Variants in HAUS8 observed in about 807,000 individuals in gnomAD.
HAUS8 encodes the protein HAUS augmin like complex subunit 8.
Under a neutral mutation model 42.9 loss-of-function variants are expected in HAUS8, and 38 were observed. The observed-to-expected ratio is 0.89, with a 90% confidence interval of 0.68 to 1.16. HAUS8 has a LOEUF of 1.16. HAUS8 is among the 50% of genes most tolerant of loss of function. The pLI is 0.00. For missense variants in HAUS8, 494 were observed against 511.6 expected, an observed-to-expected ratio of 0.97 and a Z score of 0.33; for synonymous variants, 199 against 205.8, an observed-to-expected ratio of 0.97 and a Z score of 0.28.
In HAUS8 at chr19:17,058,626, T is replaced by C. The variant is rs1279046366; in HGVS notation, c.568A>G (p.Lys190Glu). ...IMCKEKEKLQ[K>E]KAHELKRRLL... ...CTGCGCTTCAGCTCGTGGGCCTTTT[T>C]CTGTAGCTTCTCCTTCTCCTTACAC... is the stretch of plus-strand genomic sequence containing the variant. The change falls in exon 8 of 11, where the codon AAA (lysine) becomes GAA (glutamate). Residue 190 changes from lysine (K) to glutamate (E), a missense_variant. Coordinates refer to ENST00000253669, the MANE Select transcript of HAUS8 (RefSeq NM_033417.2). 5.0e-6 allele frequency: 8 copies of C among 1,613,706 alleles called. No homozygotes were observed. The highest frequency in any genetic ancestry group is 1.7e-5 in the Admixed American group (1 of 59,896).
chr19:17,067,853 T>G (rs1015119399), intron 3 of HAUS8, among the ~76,000 whole-genome samples: 1 of 152,146 alleles, frequency 6.6e-6, no homozygotes, highest in Non-Finnish European at 1.5e-5. Context: ...GAGGGAAGAA[T>G]CCAACCTTGA....
chr19:17,050,897 CA>C lies in HAUS8; in HGVS notation c.930-722del, dbSNP rs886547045. 4.6e-3 allele frequency among the ~76,000 whole-genome samples: 636 copies of C among 139,456 alleles called. 2 individuals are homozygous for C. The highest frequency in any genetic ancestry group is 0.014 in the African/African-American group (533 of 37,968). The allele number at this position is 139,456 out of a possible 152,430, so 91.5% of individuals were successfully genotyped here. A position where few individuals can be genotyped will look rare whatever the true frequency, so the allele number is the denominator to read the frequency against. On this transcript the variant is annotated intron_variant, in intron 10 of 10. Coordinates refer to ENST00000253669, the MANE Select transcript of HAUS8 (RefSeq NM_033417.2). The stretch of plus-strand genomic sequence containing the variant: ...TGGGCGACAAAGTGAGACTCCGTCT[CA>C]AAAAAAAAAAAATTAGCTGGGTGCA...
chr19:17,064,411 G>T (rs1302442507), intron 3 of HAUS8, among the ~76,000 whole-genome samples: 1 of 152,214 alleles, frequency 6.6e-6, no homozygotes, highest in Non-Finnish European at 1.5e-5. Context: ...GGAACGAGAA[G>T]AGACTAAACA....
chr19:17,057,755 G>A (rs2057334962), intron 8 of HAUS8, among the ~76,000 whole-genome samples: 1 of 152,116 alleles, frequency 6.6e-6, no homozygotes, highest in Admixed American at 6.5e-5. Context: ...CCAACTCCCA[G>A]TACCTTGGAA....
At chr19:17,051,450 T>C (rs570605972) in intron 10 of HAUS8, among the ~76,000 whole-genome samples, 1 of 152,008 alleles carries the variant, frequency 6.6e-6, no homozygotes, top group Admixed American at 6.5e-5. Flanking sequence ...CAAGGATATG[T>C]GCTCTGTGCA....
intron 2 of HAUS8, among the ~76,000 whole-genome samples, chr19:17,072,118 G>A (rs949118525): frequency 2.0e-5 from 3 of 152,158 alleles, no homozygotes; most frequent in South Asian, 2.1e-4. Context: ...ATTAACATGC[G>A]ATGTTTAGAA....
intron 8 of HAUS8, among the ~76,000 whole-genome samples, chr19:17,057,971 C>T (rs1175057712): frequency 2.0e-5 from 3 of 152,230 alleles, no homozygotes; most frequent in East Asian, 1.9e-4. Flanking sequence ...GATTCTCCCT[C>T]GCAGCCCTCA....
intron 2 of HAUS8, among the ~76,000 whole-genome samples, chr19:17,072,177 C>A (rs2057429785): frequency 6.6e-6 from 1 of 152,060 alleles, no homozygotes; most frequent in Admixed American, 6.6e-5. Context: ...CCCAGCAATG[C>A]TGAAACATAC....
chr19:17,073,444 GC>G, intron 1 of HAUS8, 109 bp from the exon 2 acceptor site: 1 of 992,454 alleles, frequency 1.0e-6, no homozygotes, highest in Non-Finnish European at 1.6e-6. Context: ...TCCAAGGGCT[GC>G]CAGAGGACAA....
At position 17,053,185 on chromosome 19, in the gene HAUS8, G is replaced by T. The variant is rs1055106414; in HGVS notation, c.788-219C>A. On this transcript the variant is annotated intron_variant, in intron 9 of 10. Coordinates refer to ENST00000253669, the MANE Select transcript of HAUS8 (RefSeq NM_033417.2). ...CAGGCACATCCATCTATCCAGGAGG[G>T]CATTGGACCAGAACTGAAATGTCAC... 29 of 583,254 alleles carry T rather than the reference G, an allele frequency of 5.0e-5. No individual in the cohort carries two copies. In the African/African-American group the frequency reaches 5.4e-4, roughly 11 times the overall value. 36.1% of individuals were successfully genotyped at this position (583,254 alleles called of 1,614,324 possible).
At chr19:17,064,842 GA>G (rs2057378859) in intron 3 of HAUS8, among the ~76,000 whole-genome samples, 1 of 152,206 alleles carries the variant, frequency 6.6e-6, no homozygotes, top group Non-Finnish European at 1.5e-5. Context: ...CACAAATGGG[GA>G]AAGTGATCAA....
intron 8 of HAUS8, 91 bp downstream of exon 8, chr19:17,058,458 G>C (rs915128713): frequency 1.5e-6 from 2 of 1,296,446 alleles, no homozygotes; most frequent in African/African-American, 3.0e-5. Flanking sequence ...AGTGAGCAAT[G>C]ATACCCTAGC....
rs1305453020 is a variant in HAUS8 at position 17,075,418 on chromosome 19, G to A, written c.5C>T (p.Ala2Val). ...CCCAGCGCCTCGCCCCGAGGAATCC[G>A]CCATTTTCCCGCCTTCCACCTCAAG... Reference protein sequence around the residue: MADSSGRGAGKP... With the variant: MVDSSGRGAGKP... Residue 2 changes from alanine to valine, a missense_variant, in exon 1 of 11, where the codon GCG (alanine) becomes GTG (valine). Ala to Val is a moderately conservative substitution (Grantham distance 64). Coordinates refer to ENST00000253669, the MANE Select transcript of HAUS8 (RefSeq NM_033417.2). 1.9e-6 allele frequency: 3 copies of A among 1,613,792 alleles called. No individual in the cohort carries two copies. The highest frequency in any genetic ancestry group is 1.7e-6 in the Non-Finnish European group (2 of 1,179,898).
In HAUS8 at chr19:17,073,338, G is replaced by A. The variant is rs2057440117; in HGVS notation, c.30-3C>T. 6.2e-6 allele frequency: 10 copies of A among 1,613,734 alleles called. No homozygotes were observed. Among genetic ancestry groups the A allele is most frequent in the Non-Finnish European group, 7.6e-6 (9 of 1,179,710 alleles). ...TTGTGGGGCCGGTTGCAGGCTTCCT[G>A]CAAGAGAAGAGAGAGAGGTCTTGTT... On this transcript the variant is annotated splice_region_variant and splice_polypyrimidine_tract_variant and intron_variant, in intron 1 of 10. Transcript: ENST00000253669.
chr19:17,056,224 A>G (rs1238173221), intron 8 of HAUS8, among the ~76,000 whole-genome samples: 1 of 152,218 alleles, frequency 6.6e-6, no homozygotes, highest in African/African-American at 2.4e-5. Context: ...TGTGTCTGCC[A>G]GCGGTTCTAG....
At chr19:17,051,163 T>C (rs1220197201) in intron 10 of HAUS8, among the ~76,000 whole-genome samples, 1 of 152,156 alleles carries the variant, frequency 6.6e-6, no homozygotes, top group South Asian at 2.1e-4. Context: ...TGAGTTATCC[T>C]GGGAGTGGGA....
chr19:17,059,863 T>G, intron 5 of HAUS8, 134 bp downstream of exon 5: 1 of 716,706 alleles, frequency 1.4e-6, no homozygotes, highest in Non-Finnish European at 2.4e-6. Flanking sequence ...AGTATATTTT[T>G]GATGTACAAT....
chr19:17,059,765 G>A, intron 5 of HAUS8, 114 bp from the exon 6 acceptor site: 1 of 743,376 alleles, frequency 1.3e-6, no homozygotes, highest in East Asian at 2.6e-5. Context: ...ATAAATTGAG[G>A]AGTATATGGA....
chr19:17,059,573 G>C lies in HAUS8; in HGVS notation c.404C>G (p.Pro135Arg), dbSNP rs2057347225. The C allele has an allele frequency of 6.2e-7, 1 of 1,613,116 alleles. No homozygotes were observed. The highest frequency in any genetic ancestry group is 1.3e-5 in the African/African-American group (1 of 74,840). ...KKPESTSFSA[P>R]RKKSPDLSEA... ...GACACTTACCGGGCTCTTTTTCCGA[G>C]GGGCAGAAAATGATGTTGACTCAGG... The change falls in exon 6 of 11, where the codon CCT becomes CGT. Residue 135 changes from proline to arginine, a missense_variant. Coordinates refer to ENST00000253669, the MANE Select transcript of HAUS8 (RefSeq NM_033417.2).
Sources: allele counts gnomAD v4.1 joint callset (sites outside exome capture counted in the v4.1 genomes callset), GRCh38; gene constraint gnomAD v4.1.1; transcripts MANE v1.5; gene names NCBI Gene and HGNC (gene_info 2026-07-23, HGNC 2026-07-21).